Variants in GNL2 observed in about 807,000 individuals in gnomAD.
GNL2 encodes nucleolar GTP-binding protein 2.
In GNL2, 51 loss-of-function variants were observed where a neutral mutation model predicts 92.3. The ratio of observed to expected loss-of-function variants is 0.55; its 90% CI spans 0.44 to 0.70. The LOEUF is 0.70. Among genes scored for constraint, GNL2 ranks in the 30% least tolerant of loss-of-function variants. The pLI, the probability that GNL2 is intolerant of heterozygous loss-of-function variation, is 0.00. For synonymous variants in GNL2, 283 were observed against 300.6 expected (o/e 0.94, Z 0.61); for missense variants, 844 against 895.6 (o/e 0.94, Z 0.74).
intron 12 of GNL2, 162 bp from the exon 13 acceptor site, chr1:37,569,464 T>G (rs1219193621): frequency 8.3e-6 from 5 of 601,212 alleles, no homozygotes; most frequent in Middle Eastern, 8.6e-4. Flanking sequence ...TTTAAACCAA[T>G]GTACATTAAG....
intron 3 of GNL2, among the ~76,000 whole-genome samples, chr1:37,591,866 T>C (rs1389698212): frequency 6.6e-6 from 1 of 152,228 alleles, no homozygotes; most frequent in Admixed American, 6.5e-5. Context: ...CTTATTCTCA[T>C]GTTAGGGATG....
At chr1:37,567,076 G>A (rs550170944) in intron 15 of GNL2, 69 bp from the exon 16 acceptor site, 5 of 1,487,716 alleles carry the variant, frequency 3.4e-6, no homozygotes, top group East Asian at 2.3e-5. Flanking sequence ...CACAAAACAG[G>A]AGTCTCTGCT....
chr1:37,584,212 G>A (rs1472845321), intron 5 of GNL2, among the ~76,000 whole-genome samples: 1 of 152,132 alleles, frequency 6.6e-6, no homozygotes, highest in Non-Finnish European at 1.5e-5. Context: ...ACTTTGGGAG[G>A]CCAAGGAGGG....
In GNL2 at chr1:37,582,916, A is replaced by G; in HGVS notation, c.657T>C (p.Val219=). 1 of 1,612,900 alleles carries G rather than the reference A, an allele frequency of 6.2e-7. No individual in the cohort carries two copies. The highest frequency in any genetic ancestry group is 1.3e-5 in the African/African-American group (1 of 75,014). The change falls in exon 7 of 16, where the codon GTT becomes GTC. Residue 219 remains valine, a synonymous_variant. Transcript: ENST00000373062. ...CTCTAGCATCAAGAACTTGAACTAC[A>G]ACATCTGATGAATCTATCACCTGAA... ...ELYKVIDSSD[V]VVQVLDARDP...
chr1:37,579,042 G>A (rs796668978), intron 8 of GNL2, among the ~76,000 whole-genome samples: 22 of 152,250 alleles, frequency 1.4e-4, no homozygotes, highest in South Asian at 1.2e-3. Context: ...AAGCGTGACT[G>A]TAGCAGAAAA....
At chr1:37,579,764 C>T (rs1192059072) in intron 8 of GNL2, among the ~76,000 whole-genome samples, 6 of 150,468 alleles carry the variant, frequency 4.0e-5, no homozygotes, top group Admixed American at 6.6e-5. Flanking sequence ...CGCGTTGTGG[C>T]GTGTGCCTGC....
chr1:37,574,845 C>G, intron 10 of GNL2, 22 bp from the exon 11 acceptor site: 1 of 1,581,152 alleles, frequency 6.3e-7, no homozygotes. Flanking sequence ...TAGGAAATCT[C>G]TCACTTACAA....
rs931379882 is a variant in GNL2 at position 37,587,451 on chromosome 1, T to C, written c.429A>G (p.Thr143=). ...GTTTCCTCTGTGACTTAGGGCCAAA[T>C]GTAGTTTCAAAACTTTCAGTATCAA... ...HILDTESFET[T]FGPKSQRKRP... Residue 143 remains threonine (T), a synonymous_variant, in exon 5 of 16, where the codon ACA becomes ACG. Transcript: ENST00000373062. The C allele has an allele frequency of 5.0e-6, 8 of 1,613,134 alleles. No individual in the cohort carries two copies. In the Admixed American group the frequency reaches 8.3e-5, roughly 17 times the overall value.
At position 37,574,675 on chromosome 1, in the gene GNL2, TTCCCAG is replaced by T; in HGVS notation, c.1286_1291del (p.Thr429_Gly430del). The stretch of plus-strand genomic sequence containing the variant: ...CAAACGCCGGGTCACCTTTAGTAAC[TTCCCAG>T]TCCGGAAAGCGAGCTTCTCAAGAAA... On this transcript the variant is annotated inframe_deletion, in exon 11 of 16. Coordinates refer to ENST00000373062, the MANE Select transcript of GNL2 (RefSeq NM_013285.3). 6.2e-7 allele frequency: 1 copy of T among 1,613,810 alleles called. No individual in the cohort carries two copies. Among genetic ancestry groups the T allele is most frequent in the Non-Finnish European group, 8.5e-7 (1 of 1,179,894 alleles).
At chr1:37,577,762 C>T (rs1643701832) in intron 8 of GNL2, among the ~76,000 whole-genome samples, 1 of 152,116 alleles carries the variant, frequency 6.6e-6, no homozygotes, top group African/African-American at 2.4e-5. Context: ...GATAGTCTGC[C>T]AAAGCAGCCA....
rs1353945509 is a variant in GNL2, at chr1:37,587,426, G to A, written c.454C>T (p.Arg152Ter). Residue 152 changes from arginine (R) to a stop codon, truncating the protein, a stop_gained, in exon 5 of 16, where the codon CGA becomes TGA. Coordinates refer to ENST00000373062, the MANE Select transcript of GNL2 (RefSeq NM_013285.3). LOFTEE classifies it high-confidence loss of function. ...TTFGPKSQRKRPNLFASDMQS... is the reference protein window; with the variant it reads ...TTFGPKSQRK ...ATATCACTTGCAAATAAGTTTGGTCGTTTCCTCTGTGACTTAGGGCCAAAT... is the reference window on the plus strand; with the variant it reads ...ATATCACTTGCAAATAAGTTTGGTCATTTCCTCTGTGACTTAGGGCCAAAT... 11 of 1,613,016 alleles carry A rather than the reference G, an allele frequency of 6.8e-6. No homozygotes were observed. Among genetic ancestry groups the A allele is most frequent in the Non-Finnish European group, 8.5e-6 (10 of 1,179,198 alleles).
chr1:37,593,935 C>T (rs1306496280), intron 1 of GNL2, 89 bp from the exon 2 acceptor site: 2 of 920,374 alleles, frequency 2.2e-6, no homozygotes, highest in African/African-American at 3.3e-5. Context: ...AAGTAGTTCA[C>T]CCAAATTAGG....
Position 37,574,351 on chromosome 1 carries a change from C to A in GNL2, c.1408G>T (p.Ala470Ser), listed in dbSNP as rs905574931. The change falls in exon 12 of 16, where the codon GCC (alanine) becomes TCC (serine). Residue 470 changes from alanine to serine, a missense_variant. Physicochemically the swap from Ala to Ser is moderately conservative, Grantham distance 99 (BLOSUM62 1). Coordinates refer to ENST00000373062, the MANE Select transcript of GNL2 (RefSeq NM_013285.3). Reference protein sequence around the residue: ...VKPPNAEPLVAPQLLPSSSLE... With the variant: ...VKPPNAEPLVSPQLLPSSSLE... ...GCCCACCCTGCTCTTACCTGGGGGG[C>A]CACAAGTGGCTCTGCATTGGGTGGC... is the stretch of plus-strand genomic sequence containing the variant. The A allele has an allele frequency of 1.9e-6, 3 of 1,612,872 alleles. No individual in the cohort carries two copies. In the Admixed American group the frequency reaches 5.0e-5, roughly 27 times the overall value.
At chr1:37,568,428 G>A (rs182753805) in intron 13 of GNL2, 71 bp from the exon 14 acceptor site, 23 of 960,920 alleles carry the variant, frequency 2.4e-5, no homozygotes, top group African/African-American at 1.4e-4. Context: ...GGAGACCTGC[G>A]ACAAACTCAC....
chr1:37,581,159 G>A (rs113100292), intron 8 of GNL2, among the ~76,000 whole-genome samples: 121 of 152,256 alleles, frequency 7.9e-4, no homozygotes, highest in Non-Finnish European at 1.6e-3. Context: ...CTGGGGGTGA[G>A]GGGTGGGCAC....
At position 37,566,881 on chromosome 1, in the gene GNL2, G is replaced by A. The variant is rs368118003; in HGVS notation, c.2170C>T (p.Arg724Cys). The change falls in exon 16 of 16, where the codon CGC becomes TGC. Residue 724 changes from arginine (R) to cysteine (C), a missense_variant. Physicochemically the swap from Arg to Cys is radical, Grantham distance 180. Transcript: ENST00000373062. ...TNDSEGQKHK[R>C]KKFRQKQ ...TACTGCTTTTGTCTGAATTTTTTGC[G>A]TTTGTGTTTCTGTCCCTCTGAGTCA... is the stretch of plus-strand genomic sequence containing the variant. 9.0e-5 allele frequency: 145 copies of A among 1,613,012 alleles called. 1 individual carries two copies. In the East Asian group the frequency reaches 2.8e-3, roughly 31 times the overall value.
chr1:37,593,902 C>T (rs973149446), intron 1 of GNL2, 56 bp from the exon 2 acceptor site: 19 of 1,273,092 alleles, frequency 1.5e-5, no homozygotes, highest in Non-Finnish European at 1.9e-5. Flanking sequence ...GTATAACCAA[C>T]AAGTCATTGC....
rs1017011619 is a variant in GNL2, at chr1:37,567,097, G to A, written c.2044-90C>T. 11 of 1,350,954 alleles carry A rather than the reference G, an allele frequency of 8.1e-6. No individual in the cohort carries two copies. The African/African-American group carries it at 1.6e-4, about 20-fold the overall frequency. The allele number at this position is 1,350,954 out of a possible 1,614,324, so 83.7% of individuals were successfully genotyped here. On this transcript the variant is annotated intron_variant, in intron 15 of 15. Coordinates refer to ENST00000373062, the MANE Select transcript of GNL2 (RefSeq NM_013285.3). ...ACAGGAGTCTCTGCTTCTCATCTCT[G>A]TGTTCTATTTCCCGTGCTGCTTCCA...
intron 14 of GNL2, 152 bp from the exon 15 acceptor site, chr1:37,567,916 C>G: frequency 1.6e-5 from 10 of 630,958 alleles, no homozygotes; most frequent in Middle Eastern, 4.2e-4. Context: ...CAAGGGGAGG[C>G]TGCCAGGTAA....
Sources: gnomAD v4.1 joint callset for allele counts (sites outside exome capture counted in the v4.1 genomes callset) on GRCh38, gnomAD v4.1.1 for gene constraint, MANE v1.5 for transcripts, NCBI Gene and HGNC (gene_info 2026-07-23, HGNC 2026-07-21) for gene names.